TMEM164: variants seen among roughly 807,000 people sequenced by gnomAD.
TMEM164 encodes transmembrane protein 164.
A neutral mutation model predicts 18.8 loss-of-function variants in TMEM164; 4 were observed. The observed-to-expected ratio is 0.21, with a 90% CI of 0.10 to 0.49. The LOEUF is 0.49. TMEM164 is among the 20% of genes least tolerant of loss of function. The pLI, the probability that TMEM164 is intolerant of heterozygous loss-of-function variation, is 0.98. For synonymous variants in TMEM164, 86 were observed against 101.7 expected, an observed-to-expected ratio of 0.85 and a Z score of 0.93; for missense variants, 108 against 239.9, an observed-to-expected ratio of 0.45 and a Z score of 3.63.
chrX:110,098,861 C>A (rs2066063481), intron 3 of TMEM164, among the ~76,000 whole-genome samples: 1 of 106,784 alleles, frequency 9.4e-6, no homozygotes, highest in Non-Finnish European at 1.9e-5. Context: ...TGGCTCACTG[C>A]AGGCTCCGCC....
intron 2 of TMEM164, among the ~76,000 whole-genome samples, chrX:110,017,405 C>CCTTCCTTCCTTTCTTT (rs1555984533): frequency 5.2e-4 from 8 of 15,273 alleles, no homozygotes; most frequent in Admixed American, 1.1e-3. Context: ...CCACCTCCTT[C>CCTTCCTTCCTTTCTTT]CTTTCTTTCT....
At chrX:110,082,858 A>G (rs1171296266) in intron 3 of TMEM164, among the ~76,000 whole-genome samples, 12 of 110,613 alleles carry the variant, frequency 1.1e-4, no homozygotes, top group Admixed American at 1.9e-4. Flanking sequence ...GTGGTTACTT[A>G]TATCTATTAG....
At chrX:110,152,928 C>T (rs926089721) in intron 5 of TMEM164, among the ~76,000 whole-genome samples, 20 of 111,584 alleles carry the variant, frequency 1.8e-4, no homozygotes, top group African/African-American at 6.5e-4. Context: ...TTCCCCAGTG[C>T]ACAAGACCGT....
intron 2 of TMEM164, among the ~76,000 whole-genome samples, chrX:110,060,403 A>C: frequency 9.0e-6 from 1 of 111,538 alleles, no homozygotes; most frequent in East Asian, 2.8e-4. Flanking sequence ...CTAATGGATT[A>C]GATTATAGTA....
Position 110,066,176 on chromosome X carries a change from T to C in TMEM164, c.391-1171T>C, listed in dbSNP as rs182705642. On this transcript the variant is annotated intron_variant, in intron 2 of 6. Transcript: ENST00000372068. ...TCTTTCCTTATAGTGATTTTTCTTATAATACCCTTTTCTTCTAAATATGGA... is the reference window on the plus strand; with the variant it reads ...TCTTTCCTTATAGTGATTTTTCTTACAATACCCTTTTCTTCTAAATATGGA... Among the ~76,000 whole-genome samples the C allele has an allele frequency of 3.6e-5, 4 of 111,737 alleles. No homozygotes were observed. The East Asian group carries it at 8.4e-4, about 23-fold the overall frequency.
chrX:110,051,562 A>G (rs1490070701), intron 2 of TMEM164, among the ~76,000 whole-genome samples: 3 of 105,811 alleles, frequency 2.8e-5, no homozygotes, highest in Non-Finnish European at 5.9e-5. Context: ...TGTTGCATAC[A>G]AAAGAGAGGT....
rs1312983894 is a variant in TMEM164 at position 110,175,941 on chromosome X, C to T, written c.*2490C>T. The T allele has an allele frequency of 2.5e-5, 19 of 754,495 alleles. No homozygotes were observed. The highest frequency in any genetic ancestry group is 2.0e-4 in the South Asian group (3 of 14,723). 62.2% of individuals were successfully genotyped at this position (754,495 alleles called of 1,213,427 possible). A position where few individuals can be genotyped will look rare whatever the true frequency, so the allele number is the denominator to read the frequency against. ...GGTAGCCCTCATATCTGCCCTGTGC[C>T]GGCCCTCTACTGCCCCAGCTTTGGT... On this transcript the variant is annotated 3_prime_UTR_variant, in exon 7 of 7. Transcript: ENST00000372068.
At chrX:110,046,406 A>G in intron 2 of TMEM164, 1 of 754,601 alleles carries the variant, frequency 1.3e-6, no homozygotes, top group South Asian at 6.7e-5. Flanking sequence ...TGTGAATGAT[A>G]GAAGACTGCC....
At chrX:110,092,732 G>A (rs1445789359) in intron 3 of TMEM164, among the ~76,000 whole-genome samples, 2 of 111,753 alleles carry the variant, frequency 1.8e-5, no homozygotes, top group Non-Finnish European at 3.8e-5. Flanking sequence ...CCTGGCCAGA[G>A]CTTCCAACAC....
downstream of TMEM164, among the ~76,000 whole-genome samples, chrX:110,178,531 A>G (rs777005044): frequency 2.9e-4 from 33 of 112,093 alleles, no homozygotes; most frequent in Non-Finnish European, 5.8e-4. Flanking sequence ...TGCCATCCCT[A>G]CCCTGGGCAG....
rs1050812620 is a variant in TMEM164 at position 110,100,797 on chromosome X, G to A, written c.441-8283G>A. ...GTAGAGACGGGGTTTCACCTTGTTA[G>A]CCAGGATGGTCTCGATCTCCTGACC... On this transcript the variant is annotated intron_variant, in intron 3 of 6. Transcript: ENST00000372068. Among the ~76,000 whole-genome samples, 4 of 110,071 alleles carry A rather than the reference G, an allele frequency of 3.6e-5. No homozygotes were observed. In the Admixed American group the frequency reaches 3.9e-4, roughly 11 times the overall value.
chrX:110,072,676 A>G (rs1170004286), intron 3 of TMEM164, among the ~76,000 whole-genome samples: 2 of 111,637 alleles, frequency 1.8e-5, no homozygotes, highest in East Asian at 5.6e-4. Flanking sequence ...TGGTTGCTAC[A>G]TAGAACCATG....
chrX:110,039,981 G>C (rs1274392539), intron 2 of TMEM164, among the ~76,000 whole-genome samples: 1 of 111,508 alleles, frequency 9.0e-6, no homozygotes, highest in African/African-American at 3.3e-5. Flanking sequence ...GGCTGAGGGT[G>C]TTTCCATGTC....
At chrX:110,099,741 A>T (rs2066080787) in intron 3 of TMEM164, among the ~76,000 whole-genome samples, 1 of 112,269 alleles carries the variant, frequency 8.9e-6, no homozygotes, top group African/African-American at 3.2e-5. Context: ...TCTATAAAAT[A>T]TCCTGTTGGG....
At chrX:110,103,212 G>A (rs979756154) in intron 3 of TMEM164, among the ~76,000 whole-genome samples, 4 of 112,239 alleles carry the variant, frequency 3.6e-5, no homozygotes, top group African/African-American at 1.3e-4. Context: ...ACAGAGGAGA[G>A]GGTAAGGAAA....
chrX:110,131,659 G>A (rs750230350), intron 4 of TMEM164, among the ~76,000 whole-genome samples: 32 of 111,614 alleles, frequency 2.9e-4, no homozygotes, highest in African/African-American at 1.0e-3. Context: ...TTGACTTGCA[G>A]CTGCCCTGGT....
intron 4 of TMEM164, among the ~76,000 whole-genome samples, chrX:110,114,594 A>T (rs918708939): frequency 8.9e-6 from 1 of 111,987 alleles, no homozygotes; most frequent in East Asian, 2.8e-4. Flanking sequence ...CTGGCCCTGA[A>T]ATGAGACACT....
intron 5 of TMEM164, among the ~76,000 whole-genome samples, chrX:110,154,978 A>T (rs186429409): frequency 1.8e-5 from 2 of 112,145 alleles, no homozygotes; most frequent in East Asian, 5.6e-4. Flanking sequence ...AGTATACAGA[A>T]CAATGACTGG....
chrX:110,095,963 G>A (rs1013849971), intron 3 of TMEM164, among the ~76,000 whole-genome samples: 1 of 112,458 alleles, frequency 8.9e-6, no homozygotes, highest in Non-Finnish European at 1.9e-5. Context: ...TCCAGAACCC[G>A]TTTGCCTGGG....
Sources: allele counts gnomAD v4.1 joint callset (sites outside exome capture counted in the v4.1 genomes callset), GRCh38; gene constraint gnomAD v4.1.1; transcripts MANE v1.5; gene names NCBI Gene and HGNC (gene_info 2026-07-23, HGNC 2026-07-21).